ZNF362: variants seen among roughly 807,000 people sequenced by gnomAD.
ZNF362 encodes the protein rotund homolog.
ZNF362 carries 11 observed loss-of-function variants against 42.9 expected under a neutral mutation model. The observed-to-expected ratio is 0.26, with a 90% CI of 0.16 to 0.42. The LOEUF (loss-of-function observed/expected upper bound fraction) is 0.42, where lower values mean the gene tolerates loss of function less well. Ranked by LOEUF, ZNF362 falls within the 20% of genes least tolerant of loss-of-function variation. The pLI is 1.00. For synonymous variants in ZNF362, 255 were observed against 257.3 expected, an observed-to-expected ratio of 0.99 and a Z score of 0.09; for missense variants, 362 against 576.2, an observed-to-expected ratio of 0.63 and a Z score of 3.81.
chr1:33,154,516 G>C, the ZNF362 span, among the ~76,000 whole-genome samples: 2 of 148,870 alleles, frequency 1.3e-5, no homozygotes, highest in African/African-American at 5.0e-5. Context: ...TGTTTTTTTT[G>C]AGGCTGGGCG....
At chr1:33,206,262 G>C in the ZNF362 span, among the ~76,000 whole-genome samples, 3 of 151,912 alleles carry the variant, frequency 2.0e-5, no homozygotes, top group African/African-American at 4.8e-5. Flanking sequence ...TCCTGCTTAA[G>C]TGTACAACAT....
At chr1:33,157,131 T>G in the ZNF362 span, among the ~76,000 whole-genome samples, 1 of 152,064 alleles carries the variant, frequency 6.6e-6, no homozygotes, top group Non-Finnish European at 1.5e-5. Context: ...CTGGCTCTCA[T>G]CTCACTCAGC....
chr1:33,283,828 T>A (rs566838440), intron 6 of ZNF362, among the ~76,000 whole-genome samples: 1 of 152,362 alleles, frequency 6.6e-6, no homozygotes, highest in East Asian at 1.9e-4. Context: ...TTTCAGCAAT[T>A]TTCTGATTTT....
the ZNF362 span, chr1:33,176,667 G>A: frequency 4.8e-6 from 2 of 417,642 alleles, no homozygotes; most frequent in Admixed American, 7.8e-5. Context: ...CAGGCAGGGT[G>A]GCTGGGAGAC....
the ZNF362 span, among the ~76,000 whole-genome samples, chr1:33,162,505 A>G: frequency 6.6e-6 from 1 of 152,134 alleles, no homozygotes; most frequent in Admixed American, 6.5e-5. Context: ...TAGGAATGAC[A>G]TCTCCCTCGG....
At chr1:33,147,571 G>T in the ZNF362 span, 1 of 1,613,986 alleles carries the variant, frequency 6.2e-7, no homozygotes, top group Non-Finnish European at 8.5e-7. The surrounding 1 kb of genome is among the most constrained non-coding windows in gnomAD (Gnocchi z 8.1). Flanking sequence ...ACTACTGAAG[G>T]CTTCAGAACC....
intron 2 of ZNF362, among the ~76,000 whole-genome samples, chr1:33,275,892 GT>G (rs1428085003): frequency 1.3e-5 from 2 of 152,016 alleles, no homozygotes; most frequent in African/African-American, 4.8e-5. Context: ...AGGGGGGGTG[GT>G]GGGGGTGTCA....
rs927462682 is a variant in ZNF362, at chr1:33,281,895, GC to G, written c.908+85del. 86 of 1,432,918 alleles carry G rather than the reference GC, an allele frequency of 6.0e-5. No homozygotes were observed. The highest frequency in any genetic ancestry group is 7.9e-5 in the Non-Finnish European group (82 of 1,033,498). 88.8% of individuals were successfully genotyped at this position (1,432,918 alleles called of 1,614,324 possible). On this transcript the variant is annotated intron_variant, in intron 6 of 8. Transcript: ENST00000539719. This position sits in a 1 kb window ranked among gnomAD's most constrained non-coding sequence, Gnocchi z 4.8. The stretch of plus-strand genomic sequence containing the variant: ...GCACATGGAGCCAGTGCAAGGAGGG[GC>G]AAGGACCTTCTCCAGGTGCCCATTG...
chr1:33,132,495 A>G, the ZNF362 span, among the ~76,000 whole-genome samples: 12 of 152,056 alleles, frequency 7.9e-5, no homozygotes, highest in Admixed American at 7.2e-4. Context: ...TGCCTGGACT[A>G]TCCTTTCACT....
intron 7 of ZNF362, 21 bp downstream of exon 7, chr1:33,295,036 T>C: frequency 3.1e-6 from 5 of 1,613,946 alleles, no homozygotes; most frequent in Non-Finnish European, 4.2e-6. Flanking sequence ...GCCTGCCTCC[T>C]GCCCACCAGG....
chr1:33,270,387 A>G (rs72889809), intron 1 of ZNF362, 100 bp from the exon 2 acceptor site: 12,922 of 558,988 alleles, frequency 0.023, 613 homozygotes, highest in African/African-American at 0.11. Context: ...AGTGACATGA[A>G]TCATGACATA....
In ZNF362 at chr1:33,280,404, C is replaced by T; in HGVS notation, c.630C>T (p.Val210=). Residue 210 remains valine (V), a synonymous_variant, in exon 5 of 9, where the codon GTC becomes GTT. Transcript: ENST00000539719. The surrounding 1 kb of genome is among the most constrained non-coding windows in gnomAD (Gnocchi z 5.6). The stretch of plus-strand genomic sequence containing the variant: ...CGGGGGGTCCGCCTGTCCTTGTAGT[C>T]CCCTATCCCATCCTGGCCTCGGGCG... The part of the protein sequence containing the change: ...ENPGGPPVLV[V]PYPILASGET... 1 of 1,613,040 alleles carries T rather than the reference C, an allele frequency of 6.2e-7. No homozygotes were observed. The highest frequency in any genetic ancestry group is 8.5e-7 in the Non-Finnish European group (1 of 1,179,544).
the ZNF362 span, chr1:33,181,664 T>C: frequency 1.5e-6 from 1 of 685,214 alleles, no homozygotes; most frequent in African/African-American, 1.9e-5. This position sits in a 1 kb window ranked among gnomAD's most constrained non-coding sequence, Gnocchi z 6.5. Flanking sequence ...CTAGAGGTAG[T>C]GGGCAGCTCA....
At chr1:33,276,247 G>A (rs1645945315) in intron 3 of ZNF362, 84 bp downstream of exon 3, 1 of 1,590,540 alleles carries the variant, frequency 6.3e-7, no homozygotes, top group Non-Finnish European at 8.6e-7. Flanking sequence ...GGCCTGCGGG[G>A]AGCGGGGTGA....
chr1:33,198,938 A>G, the ZNF362 span, among the ~76,000 whole-genome samples: 2 of 152,210 alleles, frequency 1.3e-5, no homozygotes, highest in African/African-American at 2.4e-5. Flanking sequence ...CTGCAGAAGA[A>G]CAGATTTGTA....
chr1:33,254,834 G>T (rs1645777040), upstream of ZNF362, among the ~76,000 whole-genome samples: 2 of 151,964 alleles, frequency 1.3e-5, no homozygotes, highest in African/African-American at 4.8e-5. Context: ...TAAATTATTT[G>T]GAATTCTTCT....
In ZNF362 at chr1:33,266,818, A is replaced by T. The variant is rs1645868072; in HGVS notation, c.-88-3669A>T. Among the ~76,000 whole-genome samples, 1 of 152,138 alleles carries T rather than the reference A, an allele frequency of 6.6e-6. No homozygotes were observed. The highest frequency in any genetic ancestry group is 1.5e-5 in the Non-Finnish European group (1 of 68,020). On this transcript the variant is annotated intron_variant, in intron 1 of 8. Transcript: ENST00000539719. This position sits in a 1 kb window ranked among gnomAD's most constrained non-coding sequence, Gnocchi z 4.3. ...CTTGTTCTGGGGGCCCTGATGCTGG[A>T]GGGATGCTGCCAAGGAGCACACCTG... is the stretch of plus-strand genomic sequence containing the variant.
chr1:33,235,684 A>C, the ZNF362 span, among the ~76,000 whole-genome samples: 1 of 152,332 alleles, frequency 6.6e-6, no homozygotes, highest in East Asian at 1.9e-4. Flanking sequence ...GCCCGGAAGC[A>C]GGGTGAGGGT....
intron 6 of ZNF362, among the ~76,000 whole-genome samples, chr1:33,291,404 G>T (rs965224864): frequency 6.6e-6 from 1 of 152,192 alleles, no homozygotes; most frequent in Non-Finnish European, 1.5e-5. Context: ...TGAGGGCTCT[G>T]TTCTGTTCCA....
Sources: allele counts gnomAD v4.1 joint callset (sites outside exome capture counted in the v4.1 genomes callset), GRCh38; gene constraint gnomAD v4.1.1; non-coding constraint Gnocchi (gnomAD v3.1); transcripts MANE v1.5; gene names NCBI Gene and HGNC (gene_info 2026-07-23, HGNC 2026-07-21).